GPR160: variants seen among roughly 807,000 people sequenced by gnomAD.
GPR160 encodes the protein probable G protein-coupled receptor 160.
Under a neutral mutation model 2.6 loss-of-function variants are expected in GPR160, and 2 were observed. That is an observed-to-expected ratio of 0.77 (90% CI 0.32 to 2.44). The LOEUF (loss-of-function observed/expected upper bound fraction) is 2.44, where lower values mean the gene tolerates loss of function less well. Among genes scored for constraint, GPR160 ranks in the 30% most tolerant of loss-of-function variants. The pLI is 0.11. For missense variants in GPR160, 351 were observed against 383.6 expected (o/e 0.91, Z 0.71); for synonymous variants, 130 against 132.2 (o/e 0.98, Z 0.12).
In GPR160 at chr3:170,038,009, G is replaced by A. The variant is rs1054355518; in HGVS notation, c.-528G>A. On this transcript the variant is annotated 5_prime_UTR_variant, in exon 1 of 4. Coordinates refer to ENST00000355897, the MANE Select transcript of GPR160 (RefSeq NM_014373.3). The surrounding 1 kb of genome is among the most constrained non-coding windows in gnomAD (Gnocchi z 5.3). ...CTCTGACGCCCGCATTTCCTGGTCT[G>A]GAGCCGGCTGAGCCACAGCAGGGTC... 7.9e-5 allele frequency: 12 copies of A among 152,400 alleles called. No individual in the cohort carries two copies. The highest frequency in any genetic ancestry group is 1.8e-4 in the Non-Finnish European group (12 of 68,092). 9.4% of individuals were successfully genotyped at this position (152,400 alleles called of 1,614,324 possible). A position where few individuals can be genotyped will look rare whatever the true frequency, so the allele number is the denominator to read the frequency against.
rs201476169 is a variant in GPR160 at position 170,084,942 on chromosome 3, C to A, written c.970C>A (p.Pro324Thr). 20 of 1,587,416 alleles carry A rather than the reference C, an allele frequency of 1.3e-5. No individual in the cohort carries two copies. The Admixed American group carries it at 3.6e-4, about 29-fold the overall frequency. The change falls in exon 4 of 4, where the codon CCT (proline) becomes ACT (threonine). Residue 324 changes from proline (P) to threonine (T), a missense_variant. Transcript: ENST00000355897. Reference sequence around the variant, plus strand: ...GTGCTGCTTCATTCCACTTACAATTCCTAATCTTGAGCAAATTGAAAAGCC... The same window carrying A: ...GTGCTGCTTCATTCCACTTACAATTACTAATCTTGAGCAAATTGAAAAGCC... The part of the protein sequence containing the change: ...WKCCFIPLTI[P>T]NLEQIEKPIS...
chr3:170,051,336 T>G (rs185355641), intron 2 of GPR160, among the ~76,000 whole-genome samples: 1 of 152,332 alleles, frequency 6.6e-6, no homozygotes, highest in Admixed American at 6.5e-5. Context: ...AGTTACATCT[T>G]TTGCCCCATT....
chr3:170,048,714 A>G (rs1402347115), intron 2 of GPR160, among the ~76,000 whole-genome samples: 1 of 152,248 alleles, frequency 6.6e-6, no homozygotes, highest in Non-Finnish European at 1.5e-5. Flanking sequence ...AAGATACAGG[A>G]CAGTGTAAAA....
chr3:170,079,438 T>C (rs753066656), intron 2 of GPR160, among the ~76,000 whole-genome samples: 18 of 152,232 alleles, frequency 1.2e-4, no homozygotes, highest in Non-Finnish European at 2.2e-4. Context: ...AAAAATGTTA[T>C]TGATGTTAAC....
intron 2 of GPR160, among the ~76,000 whole-genome samples, chr3:170,061,017 G>A (rs1711915984): frequency 1.3e-5 from 2 of 151,610 alleles, no homozygotes; most frequent in African/African-American, 2.4e-5. Flanking sequence ...GCTCACACCT[G>A]TAATCCCAGC....
chr3:170,066,236 G>C, intron 2 of GPR160, among the ~76,000 whole-genome samples: 1 of 144,424 alleles, frequency 6.9e-6, no homozygotes, highest in Non-Finnish European at 1.5e-5. Flanking sequence ...TGCCTCCCGG[G>C]TTCACGCCAT....
At chr3:170,068,086 G>A (rs1437693725) in intron 2 of GPR160, among the ~76,000 whole-genome samples, 1 of 152,178 alleles carries the variant, frequency 6.6e-6, no homozygotes, top group Non-Finnish European at 1.5e-5. Flanking sequence ...GTTGTTGCAA[G>A]ATGGTGGAAT....
chr3:170,067,041 G>A (rs987177791), intron 2 of GPR160, among the ~76,000 whole-genome samples: 1 of 152,118 alleles, frequency 6.6e-6, no homozygotes, highest in Non-Finnish European at 1.5e-5. Context: ...GTCATTCTCT[G>A]TTGCCCAGGC....
At chr3:170,066,112 A>G (rs1712314221) in intron 2 of GPR160, among the ~76,000 whole-genome samples, 1 of 136,750 alleles carries the variant, frequency 7.3e-6, no homozygotes, top group Non-Finnish European at 1.6e-5. Context: ...ATTACTTGAC[A>G]CTATTCTTTT....
intron 2 of GPR160, among the ~76,000 whole-genome samples, chr3:170,044,092 A>C (rs1445791658): frequency 6.6e-6 from 1 of 152,054 alleles, no homozygotes; most frequent in Non-Finnish European, 1.5e-5. Flanking sequence ...TGGGAGGCCA[A>C]GGTGCGGGGA....
chr3:170,084,593 G>C lies in GPR160; in HGVS notation c.621G>C (p.Leu207Phe), dbSNP rs1420134306. Residue 207 changes from leucine (L) to phenylalanine (F), a missense_variant, in exon 4 of 4, where the codon TTG becomes TTC. By Grantham distance (22) the Leu-to-Phe change is conservative (BLOSUM62 0). Coordinates refer to ENST00000355897, the MANE Select transcript of GPR160 (RefSeq NM_014373.3). Reference protein sequence around the residue: ...FITCWEEVTTLVQAIRITSYM... With the variant: ...FITCWEEVTTFVQAIRITSYM... ...CCTGTTGGGAAGAAGTTACTACTTT[G>C]GTACAGGCTATCAGGATAACTTCCT... 3.1e-6 allele frequency: 5 copies of C among 1,613,028 alleles called. No individual in the cohort carries two copies. Among genetic ancestry groups the C allele is most frequent in the Non-Finnish European group, 4.2e-6 (5 of 1,179,106 alleles).
rs757235804 is a variant in GPR160, at chr3:170,084,026, A to C, written c.54A>C (p.Thr18=). 1.5e-5 allele frequency: 23 copies of C among 1,562,448 alleles called. No individual in the cohort carries two copies. In the Admixed American group the frequency reaches 2.9e-4, roughly 20 times the overall value. ...NCSFQYQLRQ[T]NQPLDVNYLL... is the part of the protein sequence containing the mutation. ...CTTTTCAGTACCAGTTACGTCAAAC[A>C]AACCAGCCCCTAGATGTTAACTATC... The change falls in exon 4 of 4, where the codon ACA becomes ACC. Residue 18 remains threonine (T), a synonymous_variant. Coordinates refer to ENST00000355897, the MANE Select transcript of GPR160 (RefSeq NM_014373.3).
At chr3:170,062,826 G>T in intron 2 of GPR160, 1 of 576,506 alleles carries the variant, frequency 1.7e-6, no homozygotes. Flanking sequence ...GGTTGAAAGC[G>T]GAAAGGAAAG....
At chr3:170,056,490 T>A (rs9829154) in intron 2 of GPR160, among the ~76,000 whole-genome samples, 7,351 of 152,244 alleles carry the variant, frequency 0.048, 556 homozygotes, top group African/African-American at 0.17. Flanking sequence ...ACAGGTTAGC[T>A]CACATGATAC....
chr3:170,053,964 T>C (rs1711515579), intron 2 of GPR160, among the ~76,000 whole-genome samples: 1 of 152,066 alleles, frequency 6.6e-6, no homozygotes, highest in Non-Finnish European at 1.5e-5. Context: ...TTTTTTGTTT[T>C]TTTTTTTAAT....
intron 2 of GPR160, among the ~76,000 whole-genome samples, chr3:170,071,234 G>T (rs1450214234): frequency 1.3e-5 from 2 of 152,168 alleles, no homozygotes; most frequent in African/African-American, 2.4e-5. Context: ...GAGGTATCTG[G>T]ATCATGGGGG....
intron 2 of GPR160, among the ~76,000 whole-genome samples, chr3:170,044,324 C>CAAAAAA (rs57817027): frequency 0.47 from 41,640 of 89,116 alleles, 11,596 homozygotes; most frequent in East Asian, 0.69. Context: ...AACTCCATCT[C>CAAAAAA]AAAAAAAAAA....
intron 2 of GPR160, among the ~76,000 whole-genome samples, chr3:170,050,589 G>C (rs1423516944): frequency 6.6e-6 from 1 of 152,120 alleles, no homozygotes; most frequent in African/African-American, 2.4e-5. Flanking sequence ...TTGTTGGTCA[G>C]GCTGGTCTCT....
At chr3:170,074,585 G>C (rs1012055012) in intron 2 of GPR160, among the ~76,000 whole-genome samples, 1 of 151,874 alleles carries the variant, frequency 6.6e-6, no homozygotes, top group Non-Finnish European at 1.5e-5. Flanking sequence ...GGGCTCAAGC[G>C]ATCCTCCCAC....
Sources: gnomAD v4.1 joint callset for allele counts (sites outside exome capture counted in the v4.1 genomes callset) on GRCh38, gnomAD v4.1.1 for gene constraint, Gnocchi (gnomAD v3.1) non-coding constraint, MANE v1.5 for transcripts, NCBI Gene and HGNC (gene_info 2026-07-23, HGNC 2026-07-21) for gene names.